ZFPM2: variants seen among roughly 807,000 people sequenced by gnomAD.
ZFPM2 encodes zinc finger protein ZFPM2.
A neutral mutation model predicts 98.6 loss-of-function variants in ZFPM2; 20 were observed. That is an observed-to-expected ratio of 0.20 (90% confidence interval 0.14 to 0.29). ZFPM2 has a LOEUF of 0.29. ZFPM2 is among the 10% of genes least tolerant of loss of function. The pLI, the probability that ZFPM2 is intolerant of heterozygous loss-of-function variation, is 1.00. For synonymous variants in ZFPM2, 518 were observed against 502.7 expected (o/e 1.03, Z -0.41); for missense variants, 1,310 against 1,388.6 (o/e 0.94, Z 0.90).
chr8:105,773,034 C>G (rs1813016239), intron 5 of ZFPM2, among the ~76,000 whole-genome samples: 2 of 152,118 alleles, frequency 1.3e-5, no homozygotes, highest in South Asian at 4.1e-4. Flanking sequence ...GATTATAAAC[C>G]TTGGTGTAGC....
At chr8:105,487,707 TA>T (rs201082029) in intron 3 of ZFPM2, among the ~76,000 whole-genome samples, 1 of 151,220 alleles carries the variant, frequency 6.6e-6, no homozygotes, top group African/African-American at 2.4e-5. Flanking sequence ...TAATAGGAAT[TA>T]AAAAAAAACT....
At chr8:105,645,964 A>G (rs1326808256) in intron 5 of ZFPM2, among the ~76,000 whole-genome samples, 8 of 151,692 alleles carry the variant, frequency 5.3e-5, no homozygotes, top group Non-Finnish European at 1.2e-4. Context: ...GAGATGGGAG[A>G]ATCGCTTGAA....
intron 4 of ZFPM2, among the ~76,000 whole-genome samples, chr8:105,609,095 A>G (rs1412296813): frequency 6.6e-6 from 1 of 152,160 alleles, no homozygotes; most frequent in African/African-American, 2.4e-5. Flanking sequence ...ATCAACAAGT[A>G]CAAAATGGCA....
chr8:105,366,711 T>C (rs1345888053), intron 1 of ZFPM2, among the ~76,000 whole-genome samples: 1 of 126,856 alleles, frequency 7.9e-6, no homozygotes, highest in East Asian at 2.4e-4. Context: ...GATATTCCCC[T>C]TCCTGTGTCC....
chr8:105,722,076 T>C (rs1266039281), intron 5 of ZFPM2, among the ~76,000 whole-genome samples: 1 of 151,780 alleles, frequency 6.6e-6, no homozygotes, highest in Non-Finnish European at 1.5e-5. Context: ...TTTTCCTTTT[T>C]ATGTAGTTAT....
intron 4 of ZFPM2, among the ~76,000 whole-genome samples, chr8:105,609,812 G>C (rs1030515496): frequency 5.3e-5 from 8 of 152,164 alleles, no homozygotes; most frequent in African/African-American, 1.9e-4. Context: ...ATCATTTCCT[G>C]AGTGAAAAGA....
intron 5 of ZFPM2, among the ~76,000 whole-genome samples, chr8:105,663,546 A>T (rs1244111927): frequency 4.6e-5 from 7 of 152,182 alleles, no homozygotes; most frequent in Non-Finnish European, 7.3e-5. Context: ...TTTCTCACTC[A>T]CTTCTTTTTG....
intron 1 of ZFPM2, among the ~76,000 whole-genome samples, chr8:105,327,389 A>G (rs897313334): frequency 2.0e-5 from 3 of 151,608 alleles, no homozygotes; most frequent in South Asian, 2.1e-4. Context: ...TAATTTCTGT[A>G]TTAATTACTC....
intron 4 of ZFPM2, among the ~76,000 whole-genome samples, chr8:105,600,693 T>A (rs2130783031): frequency 6.6e-6 from 1 of 152,134 alleles, no homozygotes; most frequent in East Asian, 1.9e-4. Flanking sequence ...TTTATGATTG[T>A]TTTGGATAAT....
intron 3 of ZFPM2, among the ~76,000 whole-genome samples, chr8:105,536,486 C>T (rs1470232692): frequency 6.6e-6 from 1 of 151,076 alleles, no homozygotes; most frequent in Non-Finnish European, 1.5e-5. Context: ...GGTCAGAGGC[C>T]GTTTCATAAT....
intron 4 of ZFPM2, among the ~76,000 whole-genome samples, chr8:105,566,239 G>A (rs1232536764): frequency 6.6e-6 from 1 of 152,124 alleles, no homozygotes; most frequent in Non-Finnish European, 1.5e-5. Context: ...GCAAGTTTCA[G>A]TTTTTTGAGG....
intron 5 of ZFPM2, among the ~76,000 whole-genome samples, chr8:105,769,835 C>T (rs995855661): frequency 8.6e-5 from 13 of 151,802 alleles, no homozygotes; most frequent in African/African-American, 2.2e-4. Flanking sequence ...TGGCTATAAC[C>T]GAAGGCATCA....
intron 5 of ZFPM2, among the ~76,000 whole-genome samples, chr8:105,738,211 C>G (rs1812127518): frequency 6.6e-6 from 1 of 151,980 alleles, no homozygotes. Flanking sequence ...GTGTTGTTCC[C>G]CACTATGCAT....
At chr8:105,590,928 C>A (rs1815829449) in intron 4 of ZFPM2, among the ~76,000 whole-genome samples, 1 of 151,956 alleles carries the variant, frequency 6.6e-6, no homozygotes, top group Non-Finnish European at 1.5e-5. Context: ...TAGTTTGGGA[C>A]CTATCCAGGA....
chr8:105,669,167 T>A (rs1238444700), intron 5 of ZFPM2, among the ~76,000 whole-genome samples: 1 of 152,068 alleles, frequency 6.6e-6, no homozygotes, highest in Non-Finnish European at 1.5e-5. Flanking sequence ...GGGAAAACTT[T>A]GGAGAGATTT....
At chr8:105,470,620 A>G (rs1812884840) in intron 3 of ZFPM2, among the ~76,000 whole-genome samples, 1 of 152,172 alleles carries the variant, frequency 6.6e-6, no homozygotes, top group Non-Finnish European at 1.5e-5. Context: ...TCTATTTAAA[A>G]TACAAAACTT....
chr8:105,459,491 C>A (rs143202389), intron 3 of ZFPM2, among the ~76,000 whole-genome samples: 1 of 152,244 alleles, frequency 6.6e-6, no homozygotes, highest in African/African-American at 2.4e-5. Flanking sequence ...ATGTATTGGC[C>A]TGCTCAGGCT....
intron 2 of ZFPM2, among the ~76,000 whole-genome samples, chr8:105,443,184 C>A (rs1359966437): frequency 6.6e-6 from 1 of 151,802 alleles, no homozygotes; most frequent in African/African-American, 2.4e-5. Flanking sequence ...TGGCAGGCAC[C>A]TGTAATCCCA....
intron 5 of ZFPM2, among the ~76,000 whole-genome samples, chr8:105,743,171 A>G (rs1016186326): frequency 6.6e-6 from 1 of 152,018 alleles, no homozygotes; most frequent in African/African-American, 2.4e-5. Flanking sequence ...GTCAGCATCT[A>G]TTCTTGAGAG....
Sources: gnomAD v4.1 joint callset for allele counts (sites outside exome capture counted in the v4.1 genomes callset) on GRCh38, gnomAD v4.1.1 for gene constraint, MANE v1.5 for transcripts, NCBI Gene and HGNC (gene_info 2026-07-23, HGNC 2026-07-21) for gene names.